Variants in GNAO1 observed in about 807,000 individuals in gnomAD.
GNAO1 encodes the protein G protein subunit alpha o1.
For missense variants in GNAO1, 166 were observed against 478.7 expected, an observed-to-expected ratio of 0.35 and a Z score of 6.10; for synonymous variants, 164 against 180.7, an observed-to-expected ratio of 0.91 and a Z score of 0.74.
chr16:56,261,804 C>G (rs2036906435), intron 2 of GNAO1, among the ~76,000 whole-genome samples: 1 of 152,176 alleles, frequency 6.6e-6, no homozygotes, highest in South Asian at 2.1e-4. Context: ...ACCAGGCACC[C>G]CCTTTCAGAT....
In GNAO1 at chr16:56,234,959, G is replaced by A. The variant is rs573362701; in HGVS notation, c.162-40972G>A. 10 of 235,756 alleles carry A rather than the reference G, an allele frequency of 4.2e-5. No individual in the cohort carries two copies. In the East Asian group the frequency reaches 9.2e-4, roughly 22 times the overall value. 14.6% of individuals were successfully genotyped at this position (235,756 alleles called of 1,614,324 possible). On this transcript the variant is annotated intron_variant, in intron 2 of 8. Coordinates refer to ENST00000262493, the MANE Select transcript of GNAO1 (RefSeq NM_020988.3). ...TTGCTTGCCCCAGTGGCTAGTTAATGTTCAGCCACCAGCTGCCTGTGAAAA... is the reference window on the plus strand; with the variant it reads ...TTGCTTGCCCCAGTGGCTAGTTAATATTCAGCCACCAGCTGCCTGTGAAAA...
At chr16:56,290,589 C>T (rs1243855244) in intron 3 of GNAO1, among the ~76,000 whole-genome samples, 1 of 152,160 alleles carries the variant, frequency 6.6e-6, no homozygotes, top group Non-Finnish European at 1.5e-5. Context: ...TCTTGCAGGC[C>T]TCAATTTTTT....
At chr16:56,270,130 C>G (rs752772203) in intron 2 of GNAO1, 2 of 152,212 alleles carry the variant, frequency 1.3e-5, no homozygotes, top group Admixed American at 1.3e-4. Flanking sequence ...CCTGTGCAGG[C>G]GGGCTTGGTT....
intron 2 of GNAO1, among the ~76,000 whole-genome samples, chr16:56,235,729 G>A (rs1260888176): frequency 6.6e-6 from 1 of 152,232 alleles, no homozygotes; most frequent in Non-Finnish European, 1.5e-5. Context: ...GGATCACCCA[G>A]CCCTGCCTGG....
intron 3 of GNAO1, among the ~76,000 whole-genome samples, chr16:56,306,407 A>T (rs2587886): frequency 6.6e-6 from 1 of 152,144 alleles, no homozygotes; most frequent in African/African-American, 2.4e-5. Flanking sequence ...CCGCTCCTTC[A>T]GGGTTTCCTC....
At chr16:56,238,134 G>C (rs1435203054) in intron 2 of GNAO1, among the ~76,000 whole-genome samples, 1 of 150,848 alleles carries the variant, frequency 6.6e-6, no homozygotes, top group Non-Finnish European at 1.5e-5. Flanking sequence ...ACATTTGTGG[G>C]ACGACTTTTT....
intron 2 of GNAO1, among the ~76,000 whole-genome samples, chr16:56,217,337 A>T (rs1258499219): frequency 6.6e-6 from 1 of 152,234 alleles, no homozygotes; most frequent in Non-Finnish European, 1.5e-5. Flanking sequence ...GTCATTTTTA[A>T]TAAGACATCA....
At chr16:56,221,024 G>A (rs58383764) in intron 2 of GNAO1, among the ~76,000 whole-genome samples, 70,948 of 151,752 alleles carry the variant, frequency 0.47, 16,790 homozygotes, top group East Asian at 0.59. Flanking sequence ...GGGATTACAG[G>A]CATGAGCCAC....
At chr16:56,292,055 A>G (rs561182266) in intron 3 of GNAO1, among the ~76,000 whole-genome samples, 1 of 152,268 alleles carries the variant, frequency 6.6e-6, no homozygotes, top group East Asian at 1.9e-4. Context: ...ACTCTTTTGG[A>G]GCTGAAGGAA....
intron 3 of GNAO1, among the ~76,000 whole-genome samples, chr16:56,312,842 G>C (rs1032339420): frequency 6.6e-6 from 1 of 152,224 alleles, no homozygotes; most frequent in Admixed American, 6.5e-5. Flanking sequence ...ACATTTAATA[G>C]CATGGGCTCA....
intron 2 of GNAO1, among the ~76,000 whole-genome samples, chr16:56,227,782 A>T (rs1393955234): frequency 2.7e-5 from 4 of 146,684 alleles, no homozygotes; most frequent in Admixed American, 2.0e-4. Context: ...TATTGGTATT[A>T]TTTTCCCTGG....
chr16:56,210,249 T>C lies in GNAO1; in HGVS notation c.161+17633T>C, dbSNP rs28771777. 3.9e-3 allele frequency among the ~76,000 whole-genome samples: 597 copies of C among 152,330 alleles called. 7 individuals are homozygous for C. Among genetic ancestry groups the C allele is most frequent in the African/African-American group, 0.013 (561 of 41,564 alleles). ...TGTGTTTTCATGGCTTGACAACTTATTTTCTTTTAGCACTGAATAATATTC... is the reference window on the plus strand; with the variant it reads ...TGTGTTTTCATGGCTTGACAACTTACTTTCTTTTAGCACTGAATAATATTC... On this transcript the variant is annotated intron_variant, in intron 2 of 8. Transcript: ENST00000262493.
At position 56,289,543 on chromosome 16, in the gene GNAO1, G is replaced by T. The variant is rs137952850; in HGVS notation, c.303+13471G>T. Reference sequence around the variant, plus strand: ...TCAAGGGTAACCATGTCTCAGGGACGCAGGAGATGAGCGGCCCCATGCAAA... The same window carrying T: ...TCAAGGGTAACCATGTCTCAGGGACTCAGGAGATGAGCGGCCCCATGCAAA... On this transcript the variant is annotated intron_variant, in intron 3 of 8. Transcript: ENST00000262493. Among the ~76,000 whole-genome samples the T allele has an allele frequency of 2.0e-5, 3 of 152,322 alleles. No homozygotes were observed. The East Asian group carries it at 5.8e-4, about 29-fold the overall frequency.
At chr16:56,220,418 T>C (rs1016490009) in intron 2 of GNAO1, among the ~76,000 whole-genome samples, 9 of 152,192 alleles carry the variant, frequency 5.9e-5, no homozygotes, top group Admixed American at 5.2e-4. Context: ...AAATGACATA[T>C]GGACTTTCTC....
At chr16:56,235,928 A>G (rs1284377855) in intron 2 of GNAO1, among the ~76,000 whole-genome samples, 2 of 152,186 alleles carry the variant, frequency 1.3e-5, no homozygotes, top group East Asian at 3.8e-4. Context: ...TATGTACACG[A>G]CTTGGACCTT....
chr16:56,303,626 A>G (rs2037365251), intron 3 of GNAO1, among the ~76,000 whole-genome samples: 1 of 152,070 alleles, frequency 6.6e-6, no homozygotes, highest in Non-Finnish European at 1.5e-5. Context: ...ATGGACTTAC[A>G]CCCTTGACAA....
intron 2 of GNAO1, among the ~76,000 whole-genome samples, chr16:56,205,342 A>T (rs1198750652): frequency 6.6e-6 from 1 of 152,228 alleles, no homozygotes; most frequent in Non-Finnish European, 1.5e-5. Flanking sequence ...GGCTGTGTGC[A>T]GGAGCTCCAG....
intron 6 of GNAO1, chr16:56,341,014 C>A (rs773395175): frequency 6.9e-6 from 11 of 1,599,194 alleles, no homozygotes; most frequent in South Asian, 4.5e-5. Flanking sequence ...GGACAGCAGG[C>A]CCCCGAGGGA....
chr16:56,303,737 T>C (rs1348300063), intron 3 of GNAO1, among the ~76,000 whole-genome samples: 1 of 152,030 alleles, frequency 6.6e-6, no homozygotes, highest in African/African-American at 2.4e-5. Flanking sequence ...GACCCCCAGC[T>C]CTTGTCCCCG....
Sources: gnomAD v4.1 joint callset for allele counts (sites outside exome capture counted in the v4.1 genomes callset) on GRCh38, gnomAD v4.1.1 for gene constraint, MANE v1.5 for transcripts, NCBI Gene and HGNC (gene_info 2026-07-23, HGNC 2026-07-21) for gene names.